Variants in PRRG1 observed in about 807,000 individuals in gnomAD.
The protein encoded by PRRG1 is proline rich and Gla domain 1, also known as transmembrane gamma-carboxyglutamic acid protein 1.
PRRG1 carries 5 observed loss-of-function variants against 11.8 expected under a neutral mutation model. The observed-to-expected ratio is 0.42, with a 90% confidence interval of 0.22 to 0.89. PRRG1 has a LOEUF of 0.89. Ranked by LOEUF, PRRG1 falls within the 40% of genes least tolerant of loss-of-function variation. The pLI is 0.28. For missense variants in PRRG1, 155 were observed against 166.1 expected (o/e 0.93, Z 0.37); for synonymous variants, 66 against 60.4 (o/e 1.09, Z -0.43).
At chrX:37,409,675 G>T (rs1932301598) in intron 2 of PRRG1, among the ~76,000 whole-genome samples, 1 of 111,988 alleles carries the variant, frequency 8.9e-6, no homozygotes, top group Non-Finnish European at 1.9e-5. Flanking sequence ...TGTTATTGGG[G>T]AGAAAAAGAT....
rs142420041 is a variant in PRRG1 at position 37,440,131 on chromosome X, C to T, written c.172-13005C>T. Reference sequence around the variant, plus strand: ...AATTAAAAATTCTTTAGAACAATGTCCTTTGGGATAGACAAAGCAGGTGAT... The same window carrying T: ...AATTAAAAATTCTTTAGAACAATGTTCTTTGGGATAGACAAAGCAGGTGAT... On this transcript the variant is annotated intron_variant, in intron 3 of 3. Transcript: ENST00000378628. Among the ~76,000 whole-genome samples, 515 of 111,608 alleles carry T rather than the reference C, an allele frequency of 4.6e-3. 2 individuals carry two copies. Among genetic ancestry groups the T allele is most frequent in the Middle Eastern group, 0.018 (4 of 218 alleles).
rs1314427281 is a variant in PRRG1 at position 37,453,841 on chromosome X, A to G, written c.*220A>G. The stretch of plus-strand genomic sequence containing the variant: ...AATATATGAAGAGGGAAAACATACT[A>G]ATGGGGGTCTTTCTGTGATGTGATG... On this transcript the variant is annotated 3_prime_UTR_variant, in exon 4 of 4. Coordinates refer to ENST00000378628, the MANE Select transcript of PRRG1 (RefSeq NM_001142395.2). 1.1e-5 allele frequency: 4 copies of G among 369,047 alleles called. No individual in the cohort carries two copies. Among genetic ancestry groups the G allele is most frequent in the African/African-American group, 2.6e-5 (1 of 38,585 alleles). 30.4% of individuals were successfully genotyped at this position (369,047 alleles called of 1,213,427 possible).
chrX:37,417,140 T>C (rs2080303714), intron 2 of PRRG1, among the ~76,000 whole-genome samples: 1 of 111,645 alleles, frequency 9.0e-6, no homozygotes, highest in African/African-American at 3.2e-5. Flanking sequence ...CTACCTGTTA[T>C]CTGGTATTTC....
rs1192184543 is a variant in PRRG1 at position 37,453,251 on chromosome X, T to C, written c.287T>C (p.Leu96Pro). 8.3e-7 allele frequency: 1 copy of C among 1,208,959 alleles called. No homozygotes were observed. Among genetic ancestry groups the C allele is most frequent in the Non-Finnish European group, 1.1e-6 (1 of 894,730 alleles). ...PLIFGLFIILLVIFLIWRCFL... is the reference protein window; with the variant it reads ...PLIFGLFIILPVIFLIWRCFL... Reference sequence around the variant, plus strand: ...ATCTTTGGCCTCTTCATTATCCTCCTTGTCATTTTCCTAATCTGGAGATGC... The same window carrying C: ...ATCTTTGGCCTCTTCATTATCCTCCCTGTCATTTTCCTAATCTGGAGATGC... Residue 96 changes from leucine (L) to proline (P), a missense_variant, in exon 4 of 4, where the codon CTT (leucine) becomes CCT (proline). By Grantham distance (98) the Leu-to-Pro change is moderately conservative. Coordinates refer to ENST00000378628, the MANE Select transcript of PRRG1 (RefSeq NM_001142395.2).
intron 3 of PRRG1, chrX:37,441,258 G>C: frequency 5.2e-6 from 4 of 767,873 alleles, no homozygotes; most frequent in Non-Finnish European, 6.2e-6. Context: ...TAGGGGATAA[G>C]AGAAAGTCCT....
intron 1 of PRRG1, among the ~76,000 whole-genome samples, chrX:37,391,733 A>G (rs1931542075): frequency 8.9e-6 from 1 of 112,011 alleles, no homozygotes; most frequent in Non-Finnish European, 1.9e-5. Flanking sequence ...TGACTTTATG[A>G]AGTGATTTAT....
intron 2 of PRRG1, among the ~76,000 whole-genome samples, chrX:37,424,684 A>G (rs1359469195): frequency 9.1e-6 from 1 of 109,572 alleles, no homozygotes; most frequent in Admixed American, 9.7e-5. Context: ...TTGAAGGCCT[A>G]TCATGGTTTT....
chrX:37,407,660 G>C (rs1932223472), intron 2 of PRRG1, among the ~76,000 whole-genome samples: 1 of 112,020 alleles, frequency 8.9e-6, no homozygotes, highest in Non-Finnish European at 1.9e-5. Flanking sequence ...ACATGTAAAA[G>C]TGTTTTGAGA....
At chrX:37,358,681 G>T (rs1930322418) in intron 1 of PRRG1, among the ~76,000 whole-genome samples, 1 of 110,928 alleles carries the variant, frequency 9.0e-6, no homozygotes, top group South Asian at 3.8e-4. Flanking sequence ...TATTGTCTTG[G>T]CTATTCTGTA....
At chrX:37,428,388 G>A (rs939814125) in intron 3 of PRRG1, among the ~76,000 whole-genome samples, 2 of 111,919 alleles carry the variant, frequency 1.8e-5, no homozygotes. Flanking sequence ...GGGGGTACAG[G>A]TGTTGGGTTA....
chrX:37,410,680 A>G (rs1482394284), intron 2 of PRRG1, among the ~76,000 whole-genome samples: 1 of 111,985 alleles, frequency 8.9e-6, no homozygotes, highest in Non-Finnish European at 1.9e-5. Context: ...GGTAATTCAA[A>G]AGGCAGCTAC....
In PRRG1 at chrX:37,365,458, T is replaced by G. The variant is rs185340259; in HGVS notation, c.-42+16063T>G. ...TGCTGTTTGATCATATAGCCTCCAG[T>G]GGAATGCTGAGTTGGTCAGCATTCA... On this transcript the variant is annotated intron_variant, in intron 1 of 3. Coordinates refer to ENST00000378628, the MANE Select transcript of PRRG1 (RefSeq NM_001142395.2). 1.2e-3 allele frequency among the ~76,000 whole-genome samples: 130 copies of G among 112,098 alleles called. No homozygotes were observed. In the Middle Eastern group the frequency reaches 0.014, roughly 12 times the overall value.
At position 37,355,944 on chromosome X, in the gene PRRG1, G is replaced by A. The variant is rs1036232354; in HGVS notation, c.-42+6549G>A. Among the ~76,000 whole-genome samples the A allele has an allele frequency of 5.4e-5, 6 of 112,013 alleles. No homozygotes were observed. The South Asian group carries it at 1.5e-3, about 28-fold the overall frequency. On this transcript the variant is annotated intron_variant, in intron 1 of 3. Coordinates refer to ENST00000378628, the MANE Select transcript of PRRG1 (RefSeq NM_001142395.2). ...TAATGTTATTGCCCTAGCCCTTGCC[G>A]TAAGACTGCTATATCATAAGTTTCA...
intron 3 of PRRG1, among the ~76,000 whole-genome samples, chrX:37,431,102 G>A (rs1166917281): frequency 3.6e-5 from 4 of 112,273 alleles, no homozygotes; most frequent in Non-Finnish European, 5.6e-5. Context: ...TTGTTTATGA[G>A]TAATATTCCA....
intron 3 of PRRG1, among the ~76,000 whole-genome samples, chrX:37,438,488 G>A (rs916680619): frequency 1.8e-4 from 18 of 98,087 alleles, no homozygotes; most frequent in African/African-American, 6.9e-4. Flanking sequence ...CCAGGCTGGA[G>A]TGCAATGCCA....
At chrX:37,385,246 A>G (rs1413149312) in intron 1 of PRRG1, among the ~76,000 whole-genome samples, 1 of 111,670 alleles carries the variant, frequency 9.0e-6, no homozygotes, top group Non-Finnish European at 1.9e-5. Flanking sequence ...AGTACATACT[A>G]TGATTCCATT....
intron 2 of PRRG1, among the ~76,000 whole-genome samples, chrX:37,408,785 G>T (rs1932269583): frequency 8.9e-6 from 1 of 111,752 alleles, no homozygotes; most frequent in African/African-American, 3.3e-5. Context: ...AATCCCAAAA[G>T]CTTCAAGTGG....
chrX:37,354,684 C>T (rs922203006), intron 1 of PRRG1, among the ~76,000 whole-genome samples: 16 of 110,911 alleles, frequency 1.4e-4, no homozygotes, highest in Admixed American at 1.9e-4. Context: ...TGAGCCACCA[C>T]GCCCGGCCGG....
intron 3 of PRRG1, among the ~76,000 whole-genome samples, chrX:37,438,177 A>C (rs782164485): frequency 9.0e-4 from 100 of 110,891 alleles, no homozygotes; most frequent in African/African-American, 2.7e-3. Context: ...GCACCACTGC[A>C]CTCAGCCTGG....
Sources: gnomAD v4.1 joint callset for allele counts (sites outside exome capture counted in the v4.1 genomes callset) on GRCh38, gnomAD v4.1.1 for gene constraint, MANE v1.5 for transcripts, NCBI Gene and HGNC (gene_info 2026-07-23, HGNC 2026-07-21) for gene names.